TYW1: variants seen among roughly 807,000 people sequenced by gnomAD.
TYW1 encodes the protein S-adenosyl-L-methionine-dependent tRNA 4-demethylwyosine synthase TYW1.
A neutral mutation model predicts 96.2 loss-of-function variants in TYW1; 46 were observed. That is an observed-to-expected ratio of 0.48 (90% CI 0.38 to 0.61). The LOEUF is 0.61. Among genes scored for constraint, TYW1 ranks in the 20% least tolerant of loss-of-function variants. The pLI, the probability that TYW1 is intolerant of heterozygous loss-of-function variation, is 0.00. For missense variants in TYW1, 684 were observed against 909.6 expected (o/e 0.75, Z 3.19); for synonymous variants, 274 against 323.0 (o/e 0.85, Z 1.63).
At chr7:67,063,934 C>T (rs1314225912) in intron 9 of TYW1, among the ~76,000 whole-genome samples, 1 of 152,096 alleles carries the variant, frequency 6.6e-6, no homozygotes, top group Non-Finnish European at 1.5e-5. Flanking sequence ...CATATGAAAA[C>T]CAAAACTAAA....
chr7:67,044,878 C>G lies in TYW1; in HGVS notation c.985-5071C>G, dbSNP rs1428754517. ...CAGGTTATCCACCCACCTCCACCTC[C>G]CAAAGTGCTAGGATTACAGACGTGA... On this transcript the variant is annotated intron_variant, in intron 7 of 15. Transcript: ENST00000359626. 2.0e-5 allele frequency among the ~76,000 whole-genome samples: 3 copies of G among 152,146 alleles called. No homozygotes were observed. The East Asian group carries it at 5.8e-4, about 29-fold the overall frequency.
chr7:67,096,342 T>G (rs1405239560), intron 11 of TYW1, among the ~76,000 whole-genome samples: 41 of 152,178 alleles, frequency 2.7e-4, no homozygotes, highest in African/African-American at 7.9e-4. Flanking sequence ...GTGAGCTATT[T>G]TGCCACTGCA....
At chr7:67,205,377 G>A (rs1800754453) in intron 15 of TYW1, among the ~76,000 whole-genome samples, 1 of 149,620 alleles carries the variant, frequency 6.7e-6, no homozygotes, top group Admixed American at 6.7e-5. Flanking sequence ...TGACATTATA[G>A]GATGGAGGCG....
chr7:67,094,021 C>G (rs956518976), intron 11 of TYW1, among the ~76,000 whole-genome samples: 1 of 152,106 alleles, frequency 6.6e-6, no homozygotes, highest in Non-Finnish European at 1.5e-5. Flanking sequence ...TTTGGAGTCT[C>G]TAGTCTCTAT....
chr7:67,105,300 G>A (rs1563016013), intron 12 of TYW1, among the ~76,000 whole-genome samples: 1 of 152,208 alleles, frequency 6.6e-6, no homozygotes, highest in Non-Finnish European at 1.5e-5. Flanking sequence ...TTGTCAAGGA[G>A]TATAACCTTG....
intron 6 of TYW1, among the ~76,000 whole-genome samples, chr7:67,023,885 A>G (rs1387818124): frequency 2.6e-5 from 4 of 152,224 alleles, no homozygotes; most frequent in Non-Finnish European, 2.9e-5. Flanking sequence ...GTGATTTCTT[A>G]ACTTCTCTAC....
intron 14 of TYW1, among the ~76,000 whole-genome samples, chr7:67,188,888 G>A (rs1206606669): frequency 6.6e-6 from 1 of 152,120 alleles, no homozygotes; most frequent in Non-Finnish European, 1.5e-5. Flanking sequence ...TTTCAATTGA[G>A]TTGCTTATCT....
In TYW1 at chr7:67,224,235, G is replaced by C. The variant is rs1423659130; in HGVS notation, c.1978-14073G>C. ...CTCCGCCTCCCGGGTTCAAGTGATT[G>C]TCCTGCCTCAGCCTCCCAAGTAGCC... On this transcript the variant is annotated intron_variant, in intron 15 of 15. Transcript: ENST00000359626. 3.9e-5 allele frequency among the ~76,000 whole-genome samples: 6 copies of C among 152,152 alleles called. No individual in the cohort carries two copies. The South Asian group carries it at 8.3e-4, about 21-fold the overall frequency.
At chr7:67,009,952 T>C (rs932873569) in intron 4 of TYW1, among the ~76,000 whole-genome samples, 2 of 152,056 alleles carry the variant, frequency 1.3e-5, no homozygotes, top group South Asian at 4.2e-4. Flanking sequence ...TGGTTGGAAG[T>C]TCACTCCTTC....
At chr7:67,054,710 G>A (rs1417027157) in intron 8 of TYW1, among the ~76,000 whole-genome samples, 1 of 152,122 alleles carries the variant, frequency 6.6e-6, no homozygotes, top group Non-Finnish European at 1.5e-5. Flanking sequence ...TTATTTGCCT[G>A]CAAGAGTCTT....
rs138741303 is a variant in TYW1 at position 67,120,993 on chromosome 7, A to G, written c.1698+3375A>G. On this transcript the variant is annotated intron_variant, in intron 13 of 15. Coordinates refer to ENST00000359626, the MANE Select transcript of TYW1 (RefSeq NM_018264.4). ...ACATTAGGGCAATGACTTTCTGAGC[A>G]TTTTGTAGCAATTAAGAGTTGTTGT... Among the ~76,000 whole-genome samples, 101 of 152,338 alleles carry G rather than the reference A, an allele frequency of 6.6e-4. 1 individual carries two copies. The highest frequency in any genetic ancestry group is 2.3e-3 in the African/African-American group (97 of 41,578).
intron 10 of TYW1, among the ~76,000 whole-genome samples, chr7:67,081,970 G>GT (rs950041315): frequency 2.7e-5 from 4 of 148,362 alleles, no homozygotes; most frequent in South Asian, 2.2e-4. Flanking sequence ...CTGTTTGGCT[G>GT]TTTTTTTGTG....
At chr7:67,087,862 T>A (rs1272702043) in intron 11 of TYW1, among the ~76,000 whole-genome samples, 2 of 152,066 alleles carry the variant, frequency 1.3e-5, no homozygotes, top group Non-Finnish European at 2.9e-5. Context: ...TTATTTTATT[T>A]TACTTTATTT....
chr7:67,211,005 G>C (rs2116392781), intron 15 of TYW1, among the ~76,000 whole-genome samples: 1 of 151,030 alleles, frequency 6.6e-6, no homozygotes, highest in African/African-American at 2.4e-5. Context: ...GTCTATATCA[G>C]TGTGAATGCA....
At chr7:67,018,683 G>A (rs535906101) in intron 6 of TYW1, among the ~76,000 whole-genome samples, 16 of 151,974 alleles carry the variant, frequency 1.1e-4, no homozygotes, top group Admixed American at 2.6e-4. Flanking sequence ...GGCCGGGCAC[G>A]GTGGCTCACG....
intron 3 of TYW1, 95 bp from the exon 4 acceptor site, chr7:67,009,488 C>A: frequency 9.4e-7 from 1 of 1,067,494 alleles, no homozygotes; most frequent in Non-Finnish European, 1.4e-6. Context: ...AAATATTTTT[C>A]ATGAGGAATG....
chr7:67,204,517 C>CCTT (rs758463487), intron 15 of TYW1, among the ~76,000 whole-genome samples: 1 of 141,970 alleles, frequency 7.0e-6, no homozygotes, highest in Admixed American at 7.0e-5. Flanking sequence ...TTTTTATTTT[C>CCTT]CTTCTTCTTC....
chr7:67,018,229 C>T (rs1376156853), intron 6 of TYW1, 86 bp downstream of exon 6: 11 of 1,511,450 alleles, frequency 7.3e-6, no homozygotes, highest in African/African-American at 1.4e-5. Flanking sequence ...TAAACCATCT[C>T]GTTGGCTTCT....
chr7:67,160,660 C>T (rs971779962), intron 13 of TYW1, among the ~76,000 whole-genome samples: 6 of 149,596 alleles, frequency 4.0e-5, no homozygotes, highest in African/African-American at 7.5e-5. Flanking sequence ...GATGCGATTT[C>T]GGCTCACTAC....
Sources: allele counts gnomAD v4.1 joint callset (sites outside exome capture counted in the v4.1 genomes callset), GRCh38; gene constraint gnomAD v4.1.1; transcripts MANE v1.5; gene names NCBI Gene and HGNC (gene_info 2026-07-23, HGNC 2026-07-21).